The following F11R variants were observed in gnomAD, a reference collection of about 807,000 sequenced individuals.
The protein encoded by F11R is F11 receptor, also known as junctional adhesion molecule A.
Under a neutral mutation model 39.3 loss-of-function variants are expected in F11R, and 27 were observed. The ratio of observed to expected loss-of-function variants is 0.69; its 90% confidence interval spans 0.51 to 0.95. The LOEUF (loss-of-function observed/expected upper bound fraction) is 0.95, where lower values mean the gene tolerates loss of function less well. F11R is among the 40% of genes least tolerant of loss of function. The pLI is 0.00. For missense variants in F11R, 335 were observed against 372.7 expected, an observed-to-expected ratio of 0.90 and a Z score of 0.83; for synonymous variants, 131 against 144.9, an observed-to-expected ratio of 0.90 and a Z score of 0.69.
chr1:161,007,700 A>G (rs755699935), intron 1 of F11R, among the ~76,000 whole-genome samples: 2 of 152,248 alleles, frequency 1.3e-5, no homozygotes, highest in Non-Finnish European at 2.9e-5. Context: ...TATGATTATC[A>G]TCATCTGTTC....
Position 160,998,751 on chromosome 1 carries a change from G to A in F11R, c.*120C>T, listed in dbSNP as rs1648275092. On this transcript the variant is annotated 3_prime_UTR_variant, in exon 10 of 10. Coordinates refer to ENST00000368026, the MANE Select transcript of F11R (RefSeq NM_016946.6). ...TTAAAAACACATCCGAAGAAGTAGG[G>A]GGCCCTGTGGGGTGTAGAAGACAAA... 4 of 904,480 alleles carry A rather than the reference G, an allele frequency of 4.4e-6. No individual in the cohort carries two copies. Among genetic ancestry groups the A allele is most frequent in the Admixed American group, 2.2e-5 (1 of 45,704 alleles). The allele number at this position is 904,480 out of a possible 1,614,324, so 56.0% of individuals were successfully genotyped here. A position where few individuals can be genotyped will look rare whatever the true frequency, so the allele number is the denominator to read the frequency against.
Position 160,999,671 on chromosome 1 carries a change from G to C in F11R, c.771C>G (p.Ile257Met). The change falls in exon 7 of 10, where the codon ATC becomes ATG. Residue 257 changes from isoleucine to methionine, a missense_variant. By Grantham distance (10) the Ile-to-Met change is conservative (BLOSUM62 1). Transcript: ENST00000368026. Reference sequence around the variant, plus strand: ...AGTGGCCTCGGCTATAGGCAAACCAGATGCCAAAAACCAAGATTCCCAGGA... The same window carrying C: ...AGTGGCCTCGGCTATAGGCAAACCACATGCCAAAAACCAAGATTCCCAGGA... ...LILLGILVFG[I>M]WFAYSRGHFD... 6.2e-7 allele frequency: 1 copy of C among 1,614,146 alleles called. No homozygotes were observed. The highest frequency in any genetic ancestry group is 8.5e-7 in the Non-Finnish European group (1 of 1,180,026).
chr1:161,019,073 C>T (rs1042784372), intron 1 of F11R, among the ~76,000 whole-genome samples: 8 of 152,140 alleles, frequency 5.3e-5, no homozygotes, highest in Admixed American at 2.0e-4. Flanking sequence ...AATACTGTCA[C>T]AGACAAACAC....
intron 2 of F11R, 58 bp downstream of exon 2, chr1:161,001,227 T>C: frequency 6.3e-7 from 1 of 1,599,942 alleles, no homozygotes; most frequent in Non-Finnish European, 8.6e-7. Context: ...GCTCTCTAGA[T>C]CCCCAGGCGG....
intron 1 of F11R, among the ~76,000 whole-genome samples, chr1:161,004,199 G>C (rs1648667712): frequency 6.6e-6 from 1 of 152,056 alleles, no homozygotes; most frequent in Non-Finnish European, 1.5e-5. Flanking sequence ...TCCTGCCTTG[G>C]CCTCCCAAAG....
chr1:161,018,993 G>T (rs906638703), intron 1 of F11R, among the ~76,000 whole-genome samples: 9 of 152,128 alleles, frequency 5.9e-5, no homozygotes, highest in African/African-American at 1.4e-4. Context: ...AAATTAGAGG[G>T]AGAAAAAAGA....
chr1:161,018,777 A>G (rs1179836166), intron 1 of F11R, among the ~76,000 whole-genome samples: 2 of 152,136 alleles, frequency 1.3e-5, no homozygotes, highest in Admixed American at 6.6e-5. Flanking sequence ...GCCTGATTTA[A>G]AAGTTACAAG....
In F11R at chr1:161,000,365, C is replaced by T. The variant is rs760671218; in HGVS notation, c.389-17G>A. 1 of 1,612,242 alleles carries T rather than the reference C, an allele frequency of 6.2e-7. No homozygotes were observed. Among genetic ancestry groups the T allele is most frequent in the Non-Finnish European group, 8.5e-7 (1 of 1,179,420 alleles). The stretch of plus-strand genomic sequence containing the variant: ...ATGGAGGCACTGTGGAAGAGAAAGA[C>T]AGAAGGTGCTGAGTACAGGGTGGGG... On this transcript the variant is annotated splice_polypyrimidine_tract_variant and intron_variant, in intron 4 of 9. Coordinates refer to ENST00000368026, the MANE Select transcript of F11R (RefSeq NM_016946.6).
intron 1 of F11R, among the ~76,000 whole-genome samples, chr1:161,015,407 A>AAAATATAT (rs571469825): frequency 7.3e-6 from 1 of 136,134 alleles, no homozygotes; most frequent in South Asian, 2.3e-4. Context: ...CAAAAAAAAA[A>AAAATATAT]ATATATATAT....
At chr1:161,020,789 G>T (rs538430736) in intron 1 of F11R, among the ~76,000 whole-genome samples, 1 of 152,272 alleles carries the variant, frequency 6.6e-6, no homozygotes, top group East Asian at 1.9e-4. Flanking sequence ...GGCCGTGAGG[G>T]GTGCGGTCAC....
chr1:160,999,372 A>G (rs1648323603), intron 8 of F11R, 24 bp downstream of exon 8: 3 of 1,614,186 alleles, frequency 1.9e-6, no homozygotes, highest in Admixed American at 3.3e-5. Flanking sequence ...AACTTGGAGA[A>G]CCCCAGGACA....
intron 1 of F11R, among the ~76,000 whole-genome samples, chr1:161,005,414 G>A (rs1182923215): frequency 2.3e-5 from 1 of 43,314 alleles, no homozygotes. Context: ...CTGGGCTCAA[G>A]TGACCCACCT....
intron 5 of F11R, 34 bp from the exon 6 acceptor site, chr1:161,000,012 A>G (rs1314440020): frequency 1.2e-6 from 2 of 1,608,268 alleles, no homozygotes; most frequent in Admixed American, 3.3e-5. Flanking sequence ...TTCCTGCTGA[A>G]GAAGCAAAAT....
chr1:161,001,414 G>C (rs562242504), intron 1 of F11R, 61 bp from the exon 2 acceptor site: 2 of 1,461,318 alleles, frequency 1.4e-6, no homozygotes, highest in East Asian at 4.5e-5. Flanking sequence ...CAGGAAGAAG[G>C]AGTCACAGAC....
intron 1 of F11R, among the ~76,000 whole-genome samples, chr1:161,016,133 T>C (rs1002923115): frequency 7.3e-5 from 11 of 151,574 alleles, no homozygotes; most frequent in African/African-American, 2.7e-4. Flanking sequence ...AAGTCAGGAG[T>C]TCGAGACCAG....
chr1:161,002,032 G>A (rs1029031086), intron 1 of F11R, among the ~76,000 whole-genome samples: 25 of 152,134 alleles, frequency 1.6e-4, no homozygotes, highest in Middle Eastern at 3.4e-3. Flanking sequence ...TTGGGAGGCC[G>A]AGGTGGGGAG....
At chr1:161,008,194 G>C (rs1257606241) in intron 1 of F11R, among the ~76,000 whole-genome samples, 1 of 152,106 alleles carries the variant, frequency 6.6e-6, no homozygotes, top group Non-Finnish European at 1.5e-5. Flanking sequence ...TTGGGCCCAT[G>C]TATAGAAAGT....
intron 1 of F11R, among the ~76,000 whole-genome samples, chr1:161,004,366 C>A (rs1344887126): frequency 6.6e-6 from 1 of 152,060 alleles, no homozygotes; most frequent in Non-Finnish European, 1.5e-5. Flanking sequence ...TTGAGACCAG[C>A]CTGGCCAACG....
chr1:161,000,088 C>G, intron 5 of F11R, 58 bp downstream of exon 5: 1 of 1,604,736 alleles, frequency 6.2e-7, no homozygotes, highest in South Asian at 1.1e-5. Context: ...TTCCTCCCAC[C>G]TTTTGGGGTT....
Sources: gnomAD v4.1 joint callset for allele counts (sites outside exome capture counted in the v4.1 genomes callset) on GRCh38, gnomAD v4.1.1 for gene constraint, MANE v1.5 for transcripts, NCBI Gene and HGNC (gene_info 2026-07-23, HGNC 2026-07-21) for gene names.